The following PDE12 variants were observed in gnomAD, a reference collection of about 807,000 sequenced individuals.
The protein encoded by PDE12 is 2',5'-phosphodiesterase 12.
PDE12 carries 26 observed loss-of-function variants against 45.4 expected under a neutral mutation model. That is an observed-to-expected ratio of 0.57 (90% confidence interval 0.42 to 0.79). PDE12 has a LOEUF of 0.79. PDE12 is among the 30% of genes least tolerant of loss of function. The probability of loss-of-function intolerance (pLI) is 0.00; values close to 1 mark genes in which losing one functional copy is unlikely to be tolerated. For missense variants in PDE12, 668 were observed against 790.0 expected, an observed-to-expected ratio of 0.85 and a Z score of 1.85; for synonymous variants, 283 against 323.9, an observed-to-expected ratio of 0.87 and a Z score of 1.36.
At chr3:57,646,687 C>G in the PDE12 span, among the ~76,000 whole-genome samples, 1 of 152,132 alleles carries the variant, frequency 6.6e-6, no homozygotes, top group Non-Finnish European at 1.5e-5. Flanking sequence ...TATTGACACA[C>G]AGAATAACTG....
the PDE12 span, among the ~76,000 whole-genome samples, chr3:57,589,584 G>T: frequency 1.8e-4 from 28 of 151,902 alleles, no homozygotes; most frequent in African/African-American, 6.8e-4. Context: ...TAGGCGTGGT[G>T]GCTGGCGCCT....
Position 57,556,486 on chromosome 3 carries a change from A to T in PDE12, c.107A>T (p.Glu36Val). 2 of 1,612,984 alleles carry T rather than the reference A, an allele frequency of 1.2e-6. No individual in the cohort carries two copies. Among genetic ancestry groups the T allele is most frequent in the Non-Finnish European group, 1.7e-6 (2 of 1,179,808 alleles). ...AGCCAGACAGCGGCGGGAGCGATGGAGCGCGCTGTAGTGCGCTGCGTACCT... is the reference window on the plus strand; with the variant it reads ...AGCCAGACAGCGGCGGGAGCGATGGTGCGCGCTGTAGTGCGCTGCGTACCT... ...AGSQTAAGAM[E>V]RAVVRCVPSE... The change falls in exon 1 of 3, where the codon GAG becomes GTG. Residue 36 changes from glutamate (E) to valine (V), a missense_variant. Transcript: ENST00000311180. This position sits in a 1 kb window ranked among gnomAD's most constrained non-coding sequence, Gnocchi z 5.0.
the PDE12 span, among the ~76,000 whole-genome samples, chr3:57,604,968 A>G: frequency 2.0e-5 from 3 of 152,160 alleles, no homozygotes; most frequent in Admixed American, 6.6e-5. Flanking sequence ...TCTCACTTCT[A>G]GCCAAGACCA....
the PDE12 span, among the ~76,000 whole-genome samples, chr3:57,656,282 T>C: frequency 6.6e-6 from 1 of 152,210 alleles, no homozygotes; most frequent in Non-Finnish European, 1.5e-5. Context: ...TCAGTATCTT[T>C]AAATTATCTG....
At chr3:57,618,634 G>T in the PDE12 span, among the ~76,000 whole-genome samples, 13 of 72,880 alleles carry the variant, frequency 1.8e-4, no homozygotes, top group African/African-American at 4.7e-4. Flanking sequence ...TTTTGAGATG[G>T]AGTTTCGCTC....
chr3:57,596,786 C>G, the PDE12 span: 1 of 355,048 alleles, frequency 2.8e-6, no homozygotes, highest in Non-Finnish European at 5.3e-6. Flanking sequence ...TTCCCCACAT[C>G]TCTGCCCAAT....
the PDE12 span, among the ~76,000 whole-genome samples, chr3:57,587,611 T>C: frequency 2.0e-5 from 3 of 152,172 alleles, no homozygotes; most frequent in Non-Finnish European, 4.4e-5. Context: ...AATGTTGGGC[T>C]GTTTACATTT....
the PDE12 span, among the ~76,000 whole-genome samples, chr3:57,628,516 T>C: frequency 1.3e-5 from 2 of 152,206 alleles, no homozygotes; most frequent in African/African-American, 2.4e-5. Context: ...CAATTCGTTA[T>C]TGAGCTCAAT....
the PDE12 span, chr3:57,600,609 T>C: frequency 6.6e-6 from 1 of 152,110 alleles, no homozygotes; most frequent in Non-Finnish European, 1.5e-5. Flanking sequence ...GAGACCAGCA[T>C]GTTGCCCAAG....
the PDE12 span, among the ~76,000 whole-genome samples, chr3:57,608,423 A>G: frequency 1.3e-5 from 2 of 152,138 alleles, no homozygotes; most frequent in Admixed American, 1.3e-4. Flanking sequence ...AAATGCTCCA[A>G]TTAAAAGACA....
downstream of PDE12, among the ~76,000 whole-genome samples, chr3:57,570,506 C>T (rs889973615): frequency 6.6e-6 from 1 of 151,846 alleles, no homozygotes; most frequent in Non-Finnish European, 1.5e-5. Context: ...GTGTGAGCCA[C>T]CACGCCTGGC....
In PDE12 at chr3:57,556,712, G is replaced by A. The variant is rs756566110; in HGVS notation, c.333G>A (p.Pro111=). ...NASGGAACSG[P]GPEPAVFCEP... ...GCGGCGGTGCGGCCTGTTCAGGGCCGGGGCCTGAGCCGGCTGTGTTCTGCG... is the reference window on the plus strand; with the variant it reads ...GCGGCGGTGCGGCCTGTTCAGGGCCAGGGCCTGAGCCGGCTGTGTTCTGCG... Residue 111 remains proline (P), a synonymous_variant, in exon 1 of 3, where the codon CCG becomes CCA. Coordinates refer to ENST00000311180, the MANE Select transcript of PDE12 (RefSeq NM_177966.7). The surrounding 1 kb of genome is among the most constrained non-coding windows in gnomAD (Gnocchi z 5.0). The A allele has an allele frequency of 6.3e-7, 1 of 1,596,168 alleles. No individual in the cohort carries two copies. The highest frequency in any genetic ancestry group is 8.6e-7 in the Non-Finnish European group (1 of 1,168,328).
chr3:57,628,692 T>A, the PDE12 span: 1 of 1,045,456 alleles, frequency 9.6e-7, no homozygotes, highest in Non-Finnish European at 1.4e-6. Flanking sequence ...ATTGACCAAT[T>A]TCAAGCCCTC....
At chr3:57,622,238 A>G in the PDE12 span, among the ~76,000 whole-genome samples, 1 of 152,328 alleles carries the variant, frequency 6.6e-6, no homozygotes, top group South Asian at 2.1e-4. Flanking sequence ...CTCTCAAGGC[A>G]CAACCATAGG....
the PDE12 span, chr3:57,628,477 C>A: frequency 3.1e-6 from 4 of 1,288,630 alleles, no homozygotes; most frequent in Non-Finnish European, 4.1e-6. Flanking sequence ...ATTACAGAAA[C>A]TAAAAAAGCA....
chr3:57,577,457 CA>C, the PDE12 span: 19 of 1,201,022 alleles, frequency 1.6e-5, no homozygotes, highest in African/African-American at 2.3e-4. Context: ...GTGTAGGCAG[CA>C]AAATGGTACC....
At chr3:57,635,230 T>C in the PDE12 span, among the ~76,000 whole-genome samples, 1 of 152,158 alleles carries the variant, frequency 6.6e-6, no homozygotes, top group African/African-American at 2.4e-5. Context: ...TGTTTTGTTT[T>C]TGATGCCTCC....
chr3:57,615,539 G>C, the PDE12 span, among the ~76,000 whole-genome samples: 1 of 152,066 alleles, frequency 6.6e-6, no homozygotes, highest in African/African-American at 2.4e-5. Context: ...GAAAAATATA[G>C]GCCAGGCGTG....
the PDE12 span, among the ~76,000 whole-genome samples, chr3:57,622,123 C>T: frequency 6.6e-6 from 1 of 152,130 alleles, no homozygotes; most frequent in African/African-American, 2.4e-5. Context: ...TTGCGGTGAG[C>T]CAAGATAGTG....
Sources: gnomAD v4.1 joint callset for allele counts (sites outside exome capture counted in the v4.1 genomes callset) on GRCh38, gnomAD v4.1.1 for gene constraint, Gnocchi (gnomAD v3.1) non-coding constraint, MANE v1.5 for transcripts, NCBI Gene and HGNC (gene_info 2026-07-23, HGNC 2026-07-21) for gene names.